The following DPP6 variants were observed in gnomAD, a reference collection of about 807,000 sequenced individuals.
DPP6 encodes the protein dipeptidyl peptidase like 6, also known as A-type potassium channel modulatory protein DPP6.
Under a neutral mutation model 122.6 loss-of-function variants are expected in DPP6, and 69 were observed. The ratio of observed to expected loss-of-function variants is 0.56; its 90% CI spans 0.46 to 0.69. The LOEUF (loss-of-function observed/expected upper bound fraction) is 0.69. DPP6 is among the 30% of genes least tolerant of loss of function. The pLI, the probability that DPP6 is intolerant of heterozygous loss-of-function variation, is 0.00. For synonymous variants in DPP6, 418 were observed against 433.1 expected, an observed-to-expected ratio of 0.97 and a Z score of 0.43; for missense variants, 928 against 1,116.9, an observed-to-expected ratio of 0.83 and a Z score of 2.41.
At chr7:154,252,666 A>G (rs1425510843) in intron 1 of DPP6, among the ~76,000 whole-genome samples, 2 of 152,238 alleles carry the variant, frequency 1.3e-5, no homozygotes, top group Non-Finnish European at 2.9e-5. Flanking sequence ...TGGCAGCTTA[A>G]AAAAACAAAA....
intron 1 of DPP6, among the ~76,000 whole-genome samples, chr7:153,995,108 G>C (rs1467217775): frequency 2.6e-5 from 4 of 152,240 alleles, no homozygotes; most frequent in Non-Finnish European, 5.9e-5. Context: ...CATGGAGTCT[G>C]TGCTTCACTG....
intron 1 of DPP6, chr7:154,305,542 G>C (rs756169668): frequency 1.9e-6 from 3 of 1,603,166 alleles, no homozygotes; most frequent in Non-Finnish European, 8.5e-7. Context: ...CCGTGCAGCA[G>C]CAGGAACAGG....
intron 1 of DPP6, among the ~76,000 whole-genome samples, chr7:154,120,893 T>C (rs1807400082): frequency 6.6e-6 from 1 of 152,180 alleles, no homozygotes; most frequent in Admixed American, 6.5e-5. Flanking sequence ...GTGGTTTGGC[T>C]GTTTCCCCAC....
chr7:154,431,427 C>A (rs1818356602), intron 1 of DPP6, among the ~76,000 whole-genome samples: 1 of 150,120 alleles, frequency 6.7e-6, no homozygotes, highest in Non-Finnish European at 1.5e-5. Context: ...TCATGTCAGG[C>A]TCTGTTTTTC....
chr7:154,470,579 A>G (rs1277499371), intron 2 of DPP6, among the ~76,000 whole-genome samples: 1 of 152,172 alleles, frequency 6.6e-6, no homozygotes, highest in Admixed American at 6.5e-5. Context: ...TTCTCCAGGA[A>G]TTTTACTATT....
chr7:154,459,174 A>G (rs1021762334), intron 2 of DPP6, among the ~76,000 whole-genome samples: 10 of 152,236 alleles, frequency 6.6e-5, no homozygotes, highest in African/African-American at 2.4e-4. Flanking sequence ...CAGATTAAAA[A>G]TATACATTGT....
In DPP6 at chr7:154,337,725, T is replaced by A. The variant is rs146500018; in HGVS notation, c.244-108489T>A. Reference sequence around the variant, plus strand: ...AAACCAGAACGCAAGGGATAAAAGATGGAGGAAGTCACCTCTTTTAGCAGA... The same window carrying A: ...AAACCAGAACGCAAGGGATAAAAGAAGGAGGAAGTCACCTCTTTTAGCAGA... On this transcript the variant is annotated intron_variant, in intron 1 of 25. Coordinates refer to ENST00000377770, the MANE Select transcript of DPP6 (RefSeq NM_130797.4). Among the ~76,000 whole-genome samples the A allele has an allele frequency of 1.0e-3, 158 of 152,318 alleles. 2 individuals carry two copies. In the South Asian group the frequency reaches 0.012, roughly 12 times the overall value.
chr7:154,414,496 A>C (rs28472290), intron 1 of DPP6, among the ~76,000 whole-genome samples: 3,336 of 152,280 alleles, frequency 0.022, 129 homozygotes, highest in African/African-American at 0.076. Flanking sequence ...CTTAAGCTGA[A>C]TCCCATCTCC....
At chr7:154,750,409 C>T (rs1015012966) in intron 8 of DPP6, among the ~76,000 whole-genome samples, 4 of 152,362 alleles carry the variant, frequency 2.6e-5, no homozygotes, top group Admixed American at 1.3e-4. Flanking sequence ...GCAACCACAT[C>T]CCACAGTGTG....
At chr7:154,237,373 T>C (rs1301663639) in intron 1 of DPP6, among the ~76,000 whole-genome samples, 1 of 152,218 alleles carries the variant, frequency 6.6e-6, no homozygotes, top group African/African-American at 2.4e-5. Flanking sequence ...CAAAAGTCTT[T>C]ATAACTAAAT....
At chr7:154,703,654 T>C (rs1840652133) in intron 7 of DPP6, among the ~76,000 whole-genome samples, 1 of 149,700 alleles carries the variant, frequency 6.7e-6, no homozygotes, top group Non-Finnish European at 1.5e-5. Flanking sequence ...ATACATTTCA[T>C]AGGCTGGGCA....
intron 8 of DPP6, among the ~76,000 whole-genome samples, chr7:154,729,584 G>A (rs1842235062): frequency 6.6e-6 from 1 of 152,116 alleles, no homozygotes; most frequent in South Asian, 2.1e-4. Context: ...CATCAGTCTA[G>A]AATATTCCTA....
chr7:153,928,816 T>C (rs539695092), intron 1 of DPP6, among the ~76,000 whole-genome samples: 4 of 152,224 alleles, frequency 2.6e-5, no homozygotes, highest in African/African-American at 9.6e-5. Context: ...CTTTAACTTA[T>C]ATATTTCAAA....
At chr7:154,147,918 G>A (rs1451127551) in intron 1 of DPP6, among the ~76,000 whole-genome samples, 2 of 151,906 alleles carry the variant, frequency 1.3e-5, no homozygotes, top group South Asian at 2.1e-4. Context: ...AACAAAAGCA[G>A]TGCTTTCGAT....
chr7:154,178,565 C>A (rs1435813241), intron 1 of DPP6, among the ~76,000 whole-genome samples: 1 of 151,700 alleles, frequency 6.6e-6, no homozygotes, highest in East Asian at 1.9e-4. Context: ...GAGTGCTCTG[C>A]AACATAGGCG....
At chr7:153,908,686 AAAATGAGTAG>A (rs1217115057) in intron 1 of DPP6, among the ~76,000 whole-genome samples, 14 of 152,234 alleles carry the variant, frequency 9.2e-5, no homozygotes, top group African/African-American at 3.1e-4. Context: ...ACACTGTCAT[AAAATGAGTAG>A]TTAACTCATT....
chr7:154,481,720 C>T lies in DPP6; in HGVS notation c.457+6683C>T, dbSNP rs184733277. On this transcript the variant is annotated intron_variant, in intron 3 of 25. Coordinates refer to ENST00000377770, the MANE Select transcript of DPP6 (RefSeq NM_130797.4). The surrounding 1 kb of genome is among the most constrained non-coding windows in gnomAD (Gnocchi z 4.2). ...TGTCCAGCCCACTCGCTCTCCTCTC[C>T]GCGTCCACTTGTGATCACTCCTAGT... Among the ~76,000 whole-genome samples the T allele has an allele frequency of 8.5e-5, 13 of 152,238 alleles. No individual in the cohort carries two copies. The South Asian group carries it at 1.4e-3, about 17-fold the overall frequency.
At chr7:154,331,389 G>A (rs1194172893) in intron 1 of DPP6, among the ~76,000 whole-genome samples, 1 of 152,202 alleles carries the variant, frequency 6.6e-6, no homozygotes, top group Non-Finnish European at 1.5e-5. Context: ...CCTCACTTGA[G>A]CTGCACTAAT....
chr7:154,036,907 A>T (rs2129056777), intron 1 of DPP6, among the ~76,000 whole-genome samples: 1 of 152,356 alleles, frequency 6.6e-6, no homozygotes, highest in South Asian at 2.1e-4. Context: ...CTACAGACCC[A>T]GCAGGCACAC....
Sources: gnomAD v4.1 joint callset for allele counts (sites outside exome capture counted in the v4.1 genomes callset) on GRCh38, gnomAD v4.1.1 for gene constraint, Gnocchi (gnomAD v3.1) non-coding constraint, MANE v1.5 for transcripts, NCBI Gene and HGNC (gene_info 2026-07-23, HGNC 2026-07-21) for gene names.